The following PTPRR variants were observed in gnomAD, a reference collection of about 807,000 sequenced individuals.
PTPRR encodes protein tyrosine phosphatase receptor type R.
In PTPRR, 38 loss-of-function variants were observed where a neutral mutation model predicts 77.2. The observed-to-expected ratio is 0.49, with a 90% confidence interval of 0.38 to 0.65. The LOEUF (loss-of-function observed/expected upper bound fraction) is 0.65, where lower values mean the gene tolerates loss of function less well. Ranked by LOEUF, PTPRR falls within the 30% of genes least tolerant of loss-of-function variation. The pLI, the probability that PTPRR is intolerant of heterozygous loss-of-function variation, is 0.00. For missense variants in PTPRR, 744 were observed against 799.2 expected (o/e 0.93, Z 0.83); for synonymous variants, 299 against 283.1 (o/e 1.06, Z -0.57).
chr12:70,869,443 A>T (rs937811458), intron 2 of PTPRR, among the ~76,000 whole-genome samples: 4 of 152,170 alleles, frequency 2.6e-5, no homozygotes, highest in African/African-American at 9.6e-5. Flanking sequence ...CCAAAGTGGG[A>T]CACTATTATC....
At chr12:70,913,255 C>T (rs1209514030) in intron 1 of PTPRR, among the ~76,000 whole-genome samples, 1 of 151,998 alleles carries the variant, frequency 6.6e-6, no homozygotes, top group Non-Finnish European at 1.5e-5. Flanking sequence ...AGACTGTATA[C>T]ACACAAAATG....
intron 6 of PTPRR, among the ~76,000 whole-genome samples, chr12:70,725,871 G>A (rs1173030369): frequency 6.6e-6 from 1 of 152,086 alleles, no homozygotes; most frequent in Non-Finnish European, 1.5e-5. Context: ...CAAATTCTAG[G>A]ATGAATGCAC....
chr12:70,758,539 C>T (rs1053764681), intron 4 of PTPRR, among the ~76,000 whole-genome samples: 10 of 152,130 alleles, frequency 6.6e-5, no homozygotes, highest in Admixed American at 5.9e-4. Context: ...ATTTATCCAA[C>T]GGTCTTTCTA....
intron 10 of PTPRR, among the ~76,000 whole-genome samples, chr12:70,682,424 C>A (rs1887709235): frequency 6.6e-6 from 1 of 152,172 alleles, no homozygotes. Context: ...CTGGCTCCTG[C>A]AAGATCAGGC....
chr12:70,657,235 T>C (rs1036812539), intron 12 of PTPRR, among the ~76,000 whole-genome samples: 3 of 152,066 alleles, frequency 2.0e-5, no homozygotes, highest in Admixed American at 6.6e-5. Flanking sequence ...AGAATGGTGA[T>C]GCCCTGAGGC....
chr12:70,858,675 A>G (rs982416005), intron 2 of PTPRR, among the ~76,000 whole-genome samples: 2 of 151,878 alleles, frequency 1.3e-5, no homozygotes, highest in Non-Finnish European at 2.9e-5. Context: ...TTTCTTTTCA[A>G]TATCTTCAGC....
chr12:70,880,535 C>T (rs910152532), intron 2 of PTPRR, among the ~76,000 whole-genome samples: 6 of 152,076 alleles, frequency 3.9e-5, no homozygotes, highest in South Asian at 4.1e-4. Context: ...TAGCACTATC[C>T]GAAATTATCA....
intron 12 of PTPRR, 31 bp from the exon 13 acceptor site, chr12:70,656,848 TG>T: frequency 7.1e-7 from 1 of 1,405,702 alleles, no homozygotes. Flanking sequence ...ATTTAAAAAG[TG>T]GGGGAAAATG....
At chr12:70,860,856 A>G (rs746568706) in intron 2 of PTPRR, among the ~76,000 whole-genome samples, 3 of 152,154 alleles carry the variant, frequency 2.0e-5, no homozygotes, top group Non-Finnish European at 4.4e-5. Flanking sequence ...TGAACAACTG[A>G]AGCCTCTTCC....
intron 1 of PTPRR, among the ~76,000 whole-genome samples, chr12:70,905,561 G>A (rs1893608898): frequency 6.6e-6 from 1 of 151,962 alleles, no homozygotes; most frequent in African/African-American, 2.4e-5. Context: ...AAATTGCACA[G>A]TTGAAATTGA....
At chr12:70,893,272 C>T (rs1319353270) in intron 1 of PTPRR, among the ~76,000 whole-genome samples, 1 of 151,942 alleles carries the variant, frequency 6.6e-6, no homozygotes, top group African/African-American at 2.4e-5. Context: ...TTATCTACAC[C>T]CATAGTTTCA....
chr12:70,859,135 T>C (rs1003827970), intron 2 of PTPRR, among the ~76,000 whole-genome samples: 2 of 152,068 alleles, frequency 1.3e-5, no homozygotes, highest in South Asian at 4.1e-4. Context: ...ATATTAGCCT[T>C]CGTGAATTCT....
At chr12:70,868,471 T>G (rs1892899626) in intron 2 of PTPRR, among the ~76,000 whole-genome samples, 1 of 151,824 alleles carries the variant, frequency 6.6e-6, no homozygotes. Flanking sequence ...GAAATGCAAA[T>G]CAAAACCACA....
intron 6 of PTPRR, among the ~76,000 whole-genome samples, chr12:70,744,212 A>G (rs984624481): frequency 3.3e-5 from 5 of 152,334 alleles, no homozygotes; most frequent in Non-Finnish European, 5.9e-5. Context: ...AGATGAGTGA[A>G]TGACTCAGGT....
At chr12:70,758,955 CTGTT>C (rs1368291475) in intron 4 of PTPRR, among the ~76,000 whole-genome samples, 1 of 129,406 alleles carries the variant, frequency 7.7e-6, no homozygotes, top group South Asian at 2.4e-4. Flanking sequence ...TTGTTGTTGT[CTGTT>C]TGTTTTGGGA....
At chr12:70,705,217 G>A (rs966251827) in intron 6 of PTPRR, among the ~76,000 whole-genome samples, 9 of 152,078 alleles carry the variant, frequency 5.9e-5, no homozygotes, top group Non-Finnish European at 1.2e-4. Context: ...CAATTCTAAT[G>A]ACATCAGTTT....
intron 1 of PTPRR, among the ~76,000 whole-genome samples, chr12:70,899,007 A>G (rs904462846): frequency 2.0e-5 from 3 of 151,538 alleles, no homozygotes; most frequent in African/African-American, 7.3e-5. Context: ...ACCACAAACT[A>G]TTGAAACTCA....
At chr12:70,862,350 A>G (rs946090759) in intron 2 of PTPRR, among the ~76,000 whole-genome samples, 4 of 151,924 alleles carry the variant, frequency 2.6e-5, no homozygotes, top group African/African-American at 4.8e-5. Flanking sequence ...CGATTGCTAG[A>G]CTTAATTATT....
intron 8 of PTPRR, among the ~76,000 whole-genome samples, chr12:70,694,163 T>C (rs748998963): frequency 6.6e-6 from 1 of 152,154 alleles, no homozygotes; most frequent in Non-Finnish European, 1.5e-5. Flanking sequence ...GGTTCACTTA[T>C]TTGCATATCT....
Sources: gnomAD v4.1 joint callset for allele counts (sites outside exome capture counted in the v4.1 genomes callset) on GRCh38, gnomAD v4.1.1 for gene constraint, MANE v1.5 for transcripts, NCBI Gene and HGNC (gene_info 2026-07-23, HGNC 2026-07-21) for gene names.